PCDHA5: variants seen among roughly 807,000 people sequenced by gnomAD.
The protein encoded by PCDHA5 is protocadherin alpha 5.
Under a neutral mutation model 61.6 loss-of-function variants are expected in PCDHA5, and 43 were observed. That is an observed-to-expected ratio of 0.70 (90% confidence interval 0.55 to 0.90). PCDHA5 has a LOEUF of 0.90. Among genes scored for constraint, PCDHA5 ranks in the 40% least tolerant of loss-of-function variants. The pLI, the probability that PCDHA5 is intolerant of heterozygous loss-of-function variation, is 0.00. For missense variants in PCDHA5, 1,298 were observed against 1,222.7 expected (o/e 1.06, Z -0.92); for synonymous variants, 627 against 543.9 (o/e 1.15, Z -2.13).
intron 1 of PCDHA5, chr5:140,847,603 G>A (rs2150402221): frequency 1.3e-5 from 2 of 149,376 alleles, no homozygotes; most frequent in Non-Finnish European, 3.0e-5. Context: ...AAAACATATT[G>A]TAATAACATT....
chr5:140,902,203 CTTTTTTT>C (rs148688132), intron 1 of PCDHA5, among the ~76,000 whole-genome samples: 3 of 124,458 alleles, frequency 2.4e-5, no homozygotes, highest in African/African-American at 3.1e-5. Flanking sequence ...CTCTCTCTTT[CTTTTTTT>C]TTTTTTTTTT....
chr5:140,866,671 G>A (rs2049487363), intron 1 of PCDHA5: 1 of 152,084 alleles, frequency 6.6e-6, no homozygotes, highest in Admixed American at 6.5e-5. Context: ...AGAAATAATA[G>A]CACTAGGTCT....
At chr5:140,828,851 A>T in intron 1 of PCDHA5, 1 of 1,614,240 alleles carries the variant, frequency 6.2e-7, no homozygotes, top group South Asian at 1.1e-5. Context: ...AATATTCGAA[A>T]ATGCAGACAA....
intron 1 of PCDHA5, chr5:140,883,500 G>C (rs1562789727): frequency 6.2e-7 from 1 of 1,614,100 alleles, no homozygotes; most frequent in African/African-American, 1.3e-5. Flanking sequence ...GTGCTGGACA[G>C]CGCCCTGGAC....
intron 3 of PCDHA5, among the ~76,000 whole-genome samples, chr5:140,989,272 T>C (rs1554250681): frequency 6.6e-6 from 1 of 152,204 alleles, no homozygotes. Flanking sequence ...AAGTTTCTGC[T>C]GGGGACATCT....
rs2150341086 is a variant in PCDHA5 at position 140,842,645 on chromosome 5, T to C, written c.2352+18518T>C. ...TTCGCTGTGGGCCACCGCCAGCTTG[T>C]CTGTGGAGGTGGCCGACGTGAACGA... On this transcript the variant is annotated intron_variant, in intron 1 of 3. Transcript: ENST00000529859. 5 of 1,595,026 alleles carry C rather than the reference T, an allele frequency of 3.1e-6. No individual in the cohort carries two copies. In the Admixed American group the frequency reaches 6.8e-5, roughly 22 times the overall value.
At chr5:140,972,296 T>C (rs1303430452) in intron 1 of PCDHA5, among the ~76,000 whole-genome samples, 2 of 151,468 alleles carry the variant, frequency 1.3e-5, no homozygotes, top group Non-Finnish European at 2.9e-5. Flanking sequence ...TGCGCCACCG[T>C]GTCTGACTAG....
chr5:140,928,334 C>CT, intron 1 of PCDHA5: 1 of 1,614,158 alleles, frequency 6.2e-7, no homozygotes, highest in Non-Finnish European at 8.5e-7. Flanking sequence ...GGCCTTGTCT[C>CT]TTATGAGCTG....
chr5:140,953,951 A>C (rs1554221165), intron 1 of PCDHA5, among the ~76,000 whole-genome samples: 1 of 151,876 alleles, frequency 6.6e-6, no homozygotes, highest in Admixed American at 6.6e-5. Context: ...TGCTCCCCCA[A>C]CAGGCCCCAG....
intron 1 of PCDHA5, among the ~76,000 whole-genome samples, chr5:140,891,208 C>T (rs2062983751): frequency 1.3e-5 from 2 of 152,002 alleles, no homozygotes; most frequent in African/African-American, 4.8e-5. Context: ...TTTTACCATG[C>T]TGTGTCTTTA....
intron 1 of PCDHA5, among the ~76,000 whole-genome samples, chr5:140,845,118 T>C (rs1779705774): frequency 6.7e-6 from 1 of 149,786 alleles, no homozygotes; most frequent in Non-Finnish European, 1.5e-5. Flanking sequence ...TGTCCATGTT[T>C]AGCATTTTAT....
chr5:140,998,066 C>T (rs1234368433), intron 3 of PCDHA5, among the ~76,000 whole-genome samples: 2 of 152,160 alleles, frequency 1.3e-5, no homozygotes, highest in East Asian at 1.9e-4. Flanking sequence ...CATCAACAGA[C>T]TTAGCCTCTG....
rs2150130280 is a variant in PCDHA5 at position 140,823,913 on chromosome 5, C to T, written c.2138C>T (p.Thr713Met). The T allele has an allele frequency of 2.2e-5, 36 of 1,613,888 alleles. No homozygotes were observed. The highest frequency in any genetic ancestry group is 2.8e-5 in the Non-Finnish European group (33 of 1,179,954). ...ICAVSSLLVL[T>M]LLLYTALRCS... is the part of the protein sequence containing the mutation. ...GCGGTGTCCAGCCTGCTGGTGCTCA[C>T]GCTGCTGCTGTACACCGCGCTGCGG... Residue 713 changes from threonine (T) to methionine (M), a missense_variant, in exon 1 of 4, where the codon ACG becomes ATG. Thr to Met is a moderately conservative substitution (Grantham distance 81, BLOSUM62 -1). Coordinates refer to ENST00000529859, the MANE Select transcript of PCDHA5 (RefSeq NM_018908.3).
intron 1 of PCDHA5, among the ~76,000 whole-genome samples, chr5:140,935,894 CTTTTTTTT>C (rs55841305): frequency 1.5e-5 from 2 of 136,750 alleles, no homozygotes; most frequent in African/African-American, 5.4e-5. Context: ...TCAATATTAT[CTTTTTTTT>C]TTTTTTTTGA....
At chr5:140,933,490 A>G (rs1554209400) in intron 1 of PCDHA5, among the ~76,000 whole-genome samples, 1 of 152,104 alleles carries the variant, frequency 6.6e-6, no homozygotes, top group African/African-American at 2.4e-5. Flanking sequence ...GTTATTCTTT[A>G]GAATTGTTAA....
At chr5:140,934,502 A>G (rs1311901724) in intron 1 of PCDHA5, among the ~76,000 whole-genome samples, 2 of 152,144 alleles carry the variant, frequency 1.3e-5, no homozygotes, top group Non-Finnish European at 2.9e-5. Flanking sequence ...TAAACACCCA[A>G]AGGGTCCATA....
intron 1 of PCDHA5, chr5:140,968,039 G>A (rs1016266543): frequency 1.7e-5 from 28 of 1,614,026 alleles, no homozygotes; most frequent in Non-Finnish European, 1.9e-5. Context: ...GGTGGTGAGC[G>A]GCCCACTGGA....
intron 1 of PCDHA5, among the ~76,000 whole-genome samples, chr5:140,957,527 T>C (rs1441282290): frequency 6.6e-6 from 1 of 152,138 alleles, no homozygotes; most frequent in African/African-American, 2.4e-5. Context: ...AGACATTCAG[T>C]GGGGATCTTA....
At chr5:140,895,671 T>C (rs1014778982) in intron 1 of PCDHA5, among the ~76,000 whole-genome samples, 5 of 152,184 alleles carry the variant, frequency 3.3e-5, no homozygotes, top group African/African-American at 4.8e-5. Context: ...GAACATGTAG[T>C]ATTTGGTTTT....
Sources: gnomAD v4.1 joint callset for allele counts (sites outside exome capture counted in the v4.1 genomes callset) on GRCh38, gnomAD v4.1.1 for gene constraint, MANE v1.5 for transcripts, NCBI Gene and HGNC (gene_info 2026-07-23, HGNC 2026-07-21) for gene names.